Variants in COL9A1 observed in about 807,000 individuals in gnomAD.
COL9A1 encodes the protein collagen alpha-1(IX) chain.
A neutral mutation model predicts 142.6 loss-of-function variants in COL9A1; 104 were observed. The ratio of observed to expected loss-of-function variants is 0.73; its 90% confidence interval spans 0.62 to 0.86. The LOEUF (loss-of-function observed/expected upper bound fraction) is 0.86, where lower values mean the gene tolerates loss of function less well. COL9A1 is among the 40% of genes least tolerant of loss of function. The pLI is 0.00. For missense variants in COL9A1, 1,210 were observed against 1,176.6 expected, an observed-to-expected ratio of 1.03 and a Z score of -0.42; for synonymous variants, 466 against 396.0, an observed-to-expected ratio of 1.18 and a Z score of -2.10.
rs1210488334 is a variant in COL9A1 at position 70,241,455 on chromosome 6, C to T, written c.1999-1G>A. ...TTGGACCCGGTTCACCGACTACACC[C>T]TGTAATAAATAAAATATAATACTTT... On this transcript the variant is annotated splice_acceptor_variant, in intron 30 of 37. Coordinates refer to ENST00000357250, the MANE Select transcript of COL9A1 (RefSeq NM_001851.6). LOFTEE classifies it high-confidence loss of function. The T allele has an allele frequency of 6.2e-7, 1 of 1,608,614 alleles. No individual in the cohort carries two copies. Among genetic ancestry groups the T allele is most frequent in the Non-Finnish European group, 8.5e-7 (1 of 1,175,094 alleles).
intron 37 of COL9A1, among the ~76,000 whole-genome samples, chr6:70,221,425 A>T (rs1006468077): frequency 2.0e-5 from 3 of 152,224 alleles, no homozygotes; most frequent in Non-Finnish European, 4.4e-5. Flanking sequence ...GGTTTATGTA[A>T]GGCCCAGCAA....
intron 20 of COL9A1, among the ~76,000 whole-genome samples, chr6:70,259,424 A>G (rs1771531904): frequency 6.6e-6 from 1 of 152,182 alleles, no homozygotes; most frequent in Non-Finnish European, 1.5e-5. Flanking sequence ...AACATCCAAG[A>G]AGTGGTAACC....
At chr6:70,290,787 A>G (rs1323393449) in intron 5 of COL9A1, among the ~76,000 whole-genome samples, 1 of 152,154 alleles carries the variant, frequency 6.6e-6, no homozygotes, top group East Asian at 1.9e-4. Flanking sequence ...TCGACTCTGA[A>G]AAAAGTATTC....
intron 37 of COL9A1, among the ~76,000 whole-genome samples, chr6:70,224,043 G>C (rs1431794059): frequency 6.6e-6 from 1 of 152,122 alleles, no homozygotes; most frequent in Non-Finnish European, 1.5e-5. Flanking sequence ...AAAGGAAAAG[G>C]AAAACAGAAA....
In COL9A1 at chr6:70,271,640, C is replaced by CT. The variant is rs750180005; in HGVS notation, c.1143+14_1143+15insA. On this transcript the variant is annotated intron_variant, in intron 14 of 37. Transcript: ENST00000357250. ...AAATCAGCAAACGTCTATCAAAGTGCACTGTGGTACTCACAACAGGTCCTA... is the reference window on the plus strand; with the variant it reads ...AAATCAGCAAACGTCTATCAAAGTGCTACTGTGGTACTCACAACAGGTCCTA... 25 of 1,611,364 alleles carry CT rather than the reference C, an allele frequency of 1.6e-5. No individual in the cohort carries two copies. The highest frequency in any genetic ancestry group is 6.6e-5 in the South Asian group (6 of 91,026).
chr6:70,225,186 G>T (rs758756030), intron 37 of COL9A1, among the ~76,000 whole-genome samples: 2 of 152,180 alleles, frequency 1.3e-5, no homozygotes, highest in East Asian at 1.9e-4. Flanking sequence ...GGAAAGTTGC[G>T]CATCATTCAT....
Position 70,232,537 on chromosome 6 carries a change from T to C in COL9A1, c.2503+46A>G, listed in dbSNP as rs368426763. 6 of 1,594,464 alleles carry C rather than the reference T, an allele frequency of 3.8e-6. No individual in the cohort carries two copies. The South Asian group carries it at 6.6e-5, about 18-fold the overall frequency. On this transcript the variant is annotated intron_variant, in intron 36 of 37. Coordinates refer to ENST00000357250, the MANE Select transcript of COL9A1 (RefSeq NM_001851.6). ...TCGAGCTTGATACAGATTATACATC[T>C]GAAAAAGGTTGTGTTCTTTGGTTCC...
Position 70,279,164 on chromosome 6 carries a change from A to G in COL9A1, c.975+1648T>C, listed in dbSNP as rs150384697. On this transcript the variant is annotated intron_variant, in intron 10 of 37. Transcript: ENST00000357250. ...ATTGAAATTTCAAAGGAATATAGAA[A>G]TAAATTCAAGCTACATTAGGCTACC... Among the ~76,000 whole-genome samples, 488 of 152,358 alleles carry G rather than the reference A, an allele frequency of 3.2e-3. 1 individual carries two copies. Among genetic ancestry groups the G allele is most frequent in the African/African-American group, 0.011 (475 of 41,584 alleles).
At chr6:70,257,886 C>A (rs954271631) in intron 20 of COL9A1, among the ~76,000 whole-genome samples, 1 of 152,178 alleles carries the variant, frequency 6.6e-6, no homozygotes, top group Non-Finnish European at 1.5e-5. Context: ...AATAAGAAGT[C>A]CAGCCACATG....
intron 4 of COL9A1, among the ~76,000 whole-genome samples, chr6:70,299,055 G>C (rs1472114566): frequency 2.0e-5 from 3 of 152,072 alleles, no homozygotes; most frequent in Non-Finnish European, 1.5e-5. Flanking sequence ...ACAGGGTTGT[G>C]ATGAGAATGA....
intron 5 of COL9A1, among the ~76,000 whole-genome samples, chr6:70,288,614 T>A (rs1773544048): frequency 6.6e-6 from 1 of 152,152 alleles, no homozygotes; most frequent in South Asian, 2.1e-4. Flanking sequence ...TTTCTTAGTC[T>A]CATTCCAGCC....
chr6:70,302,480 TTACAAGCA>T (rs1476234087), intron 1 of COL9A1, among the ~76,000 whole-genome samples: 1 of 152,150 alleles, frequency 6.6e-6, no homozygotes, highest in Non-Finnish European at 1.5e-5. Context: ...AGTGCTGGGA[TTACAAGCA>T]TAAGCCACCG....
chr6:70,252,321 G>A lies in COL9A1; in HGVS notation c.1765-6C>T, dbSNP rs750146995. 12 of 1,613,876 alleles carry A rather than the reference G, an allele frequency of 7.4e-6. No homozygotes were observed. Among genetic ancestry groups the A allele is most frequent in the Non-Finnish European group, 1.0e-5 (12 of 1,179,798 alleles). On this transcript the variant is annotated splice_polypyrimidine_tract_variant and splice_region_variant and intron_variant, in intron 26 of 37. Coordinates refer to ENST00000357250, the MANE Select transcript of COL9A1 (RefSeq NM_001851.6). ...CCTGGAGCACCTGTGCTACCCTAAG[G>A]GTAAAATGCAACATCCAAAATAACT...
At chr6:70,235,040 A>G (rs1211612836) in intron 33 of COL9A1, 100 bp from the exon 34 acceptor site, 6 of 1,430,456 alleles carry the variant, frequency 4.2e-6, no homozygotes, top group Non-Finnish European at 5.8e-6. Context: ...GGTTTCCTGC[A>G]CTCTGCATCC....
intron 2 of COL9A1, among the ~76,000 whole-genome samples, chr6:70,300,689 G>A (rs555620760): frequency 1.3e-5 from 2 of 152,144 alleles, no homozygotes; most frequent in Admixed American, 6.5e-5. Flanking sequence ...TAATAATCTG[G>A]CTGGGAAAAT....
At chr6:70,257,249 T>G (rs1753208) in intron 20 of COL9A1, among the ~76,000 whole-genome samples, 1 of 151,416 alleles carries the variant, frequency 6.6e-6, no homozygotes, top group Non-Finnish European at 1.5e-5. Flanking sequence ...TTAGTAGAGA[T>G]GGGATTTCAC....
rs757811518 is a variant in COL9A1 at position 70,294,341 on chromosome 6, G to C, written c.522C>G (p.Ser174=). 3 of 1,614,030 alleles carry C rather than the reference G, an allele frequency of 1.9e-6. No individual in the cohort carries two copies. The highest frequency in any genetic ancestry group is 2.5e-6 in the Non-Finnish European group (3 of 1,179,960). The change falls in exon 5 of 38, where the codon TCC becomes TCG. Residue 174 remains serine (S), a synonymous_variant. Coordinates refer to ENST00000357250, the MANE Select transcript of COL9A1 (RefSeq NM_001851.6). ...TCTTATGCCACTGGGAATCAAACAA[G>C]GAGGACAAATTCGAAAAGGCTGCTG... ...LQTAAFSNLS[S]LFDSQWHKIM...
intron 5 of COL9A1, among the ~76,000 whole-genome samples, chr6:70,292,692 C>G (rs1184455038): frequency 6.6e-6 from 1 of 152,136 alleles, no homozygotes; most frequent in Non-Finnish European, 1.5e-5. Context: ...GTTTAAAATA[C>G]TTGACTGATG....
chr6:70,274,068 C>T lies in COL9A1; in HGVS notation c.1044G>A (p.Val348=). The T allele has an allele frequency of 6.3e-7, 1 of 1,584,432 alleles. No homozygotes were observed. ...GSKGQKGEPG[V]PGSRGFPGRG... is the part of the protein sequence containing the mutation. ...TTACTGGAAATCCACGCGATCCAGG[C>T]ACACCAGGTTCTCCCTAAAAATAAA... Residue 348 remains valine (V), a synonymous_variant, in exon 12 of 38, where the codon GTG becomes GTA. Transcript: ENST00000357250.
Sources: allele counts gnomAD v4.1 joint callset (sites outside exome capture counted in the v4.1 genomes callset), GRCh38; gene constraint gnomAD v4.1.1; transcripts MANE v1.5; gene names NCBI Gene and HGNC (gene_info 2026-07-23, HGNC 2026-07-21).